The following TPST1 variants were observed in gnomAD, a reference collection of about 807,000 sequenced individuals.
The protein encoded by TPST1 is protein-tyrosine sulfotransferase 1.
A neutral mutation model predicts 34.8 loss-of-function variants in TPST1; 20 were observed. That is an observed-to-expected ratio of 0.57 (90% CI 0.40 to 0.84). TPST1 has a LOEUF of 0.84. TPST1 is among the 40% of genes least tolerant of loss of function. The probability of loss-of-function intolerance (pLI) is 0.00; values close to 1 mark genes in which losing one functional copy is unlikely to be tolerated. For synonymous variants in TPST1, 152 were observed against 159.4 expected (o/e 0.95, Z 0.35); for missense variants, 353 against 455.5 (o/e 0.78, Z 2.05).
At chr7:66,276,385 T>TATATATATATATATA (rs1431495136) in intron 2 of TPST1, among the ~76,000 whole-genome samples, 19 of 137,646 alleles carry the variant, frequency 1.4e-4, no homozygotes, top group African/African-American at 2.8e-4. Flanking sequence ...TATATATGTA[T>TATATATATATATATA]TTTTTTGAGG....
chr7:66,360,225 C>T lies in TPST1; in HGVS notation c.*360C>T. Reference sequence around the variant, plus strand: ...TTAAAAATGGGATCCTGTAAGCAGACTTGGGCAGTCTCCTTTTGAAATAGG... The same window carrying T: ...TTAAAAATGGGATCCTGTAAGCAGATTTGGGCAGTCTCCTTTTGAAATAGG... On this transcript the variant is annotated 3_prime_UTR_variant, in exon 6 of 6. Transcript: ENST00000304842. 3.5e-6 allele frequency: 1 copy of T among 283,850 alleles called. No homozygotes were observed. The highest frequency in any genetic ancestry group is 7.0e-6 in the Non-Finnish European group (1 of 141,980). 17.6% of individuals were successfully genotyped at this position (283,850 alleles called of 1,614,324 possible). A position where few individuals can be genotyped will look rare whatever the true frequency, so the allele number is the denominator to read the frequency against.
Position 66,337,876 on chromosome 7 carries a change from C to T in TPST1, c.1045-14629C>T, listed in dbSNP as rs148228580. ...AAATAAATAGCACAAAATCAAAGCA[C>T]GCTGCTAGAGAAAATCACTTACCAT... On this transcript the variant is annotated intron_variant, in intron 3 of 5. Transcript: ENST00000304842. 1.4e-4 allele frequency among the ~76,000 whole-genome samples: 21 copies of T among 152,044 alleles called. No individual in the cohort carries two copies. In the East Asian group the frequency reaches 2.5e-3, roughly 18 times the overall value.
intron 3 of TPST1, among the ~76,000 whole-genome samples, chr7:66,336,511 T>C (rs1792124923): frequency 6.6e-6 from 1 of 152,130 alleles, no homozygotes; most frequent in Admixed American, 6.5e-5. Context: ...CTTAATCAAA[T>C]AAAAGAATTG....
intron 3 of TPST1, among the ~76,000 whole-genome samples, chr7:66,299,771 A>T (rs1296512345): frequency 6.6e-6 from 1 of 152,040 alleles, no homozygotes; most frequent in East Asian, 1.9e-4. Context: ...CATTCTGTTG[A>T]TCTTTTCCTC....
chr7:66,233,354 G>C (rs1377868783), intron 1 of TPST1, among the ~76,000 whole-genome samples: 2 of 152,024 alleles, frequency 1.3e-5, no homozygotes, highest in African/African-American at 4.8e-5. Context: ...ATTTAGGTCT[G>C]ATTCATTTTG....
At chr7:66,261,669 T>C (rs12532423) in intron 2 of TPST1, among the ~76,000 whole-genome samples, 5,552 of 152,254 alleles carry the variant, frequency 0.036, 157 homozygotes, top group East Asian at 0.079. Flanking sequence ...TACATGTATT[T>C]TTCCATAAAA....
intron 4 of TPST1, 130 bp from the exon 5 acceptor site, chr7:66,356,695 C>T (rs1386283257): frequency 2.1e-5 from 21 of 985,664 alleles, no homozygotes; most frequent in Non-Finnish European, 3.3e-5. Flanking sequence ...GAGCATACCA[C>T]AGTAGTGCAC....
At chr7:66,324,800 C>CAAAAAA (rs56389964) in intron 3 of TPST1, among the ~76,000 whole-genome samples, 417 of 109,236 alleles carry the variant, frequency 3.8e-3, no homozygotes, top group Non-Finnish European at 5.4e-3. Context: ...GACTCTGTCT[C>CAAAAAA]AAAAAAAAAA....
intron 1 of TPST1, among the ~76,000 whole-genome samples, chr7:66,219,242 A>G (rs879588803): frequency 2.0e-5 from 3 of 152,056 alleles, no homozygotes; most frequent in Non-Finnish European, 2.9e-5. Flanking sequence ...AGCTTTTCAT[A>G]GAGAACATCA....
chr7:66,250,172 T>C (rs879762212), intron 2 of TPST1, among the ~76,000 whole-genome samples: 2 of 152,232 alleles, frequency 1.3e-5, no homozygotes, highest in African/African-American at 2.4e-5. Context: ...CTGAGCTCTC[T>C]GTGTGCCTTA....
chr7:66,201,410 G>C (rs533746320), upstream of TPST1, among the ~76,000 whole-genome samples: 28 of 150,406 alleles, frequency 1.9e-4, no homozygotes, highest in African/African-American at 5.9e-4. Context: ...AAAGTAAAAG[G>C]CTGGGCACGG....
chr7:66,312,869 T>C (rs1791558543), intron 3 of TPST1, among the ~76,000 whole-genome samples: 1 of 152,096 alleles, frequency 6.6e-6, no homozygotes, highest in African/African-American at 2.4e-5. Context: ...TGGTGACTAA[T>C]AGATGTCTGC....
intron 3 of TPST1, among the ~76,000 whole-genome samples, chr7:66,293,732 G>A (rs962785758): frequency 3.3e-5 from 5 of 152,090 alleles, no homozygotes; most frequent in African/African-American, 1.2e-4. Flanking sequence ...CTTTCTTTCT[G>A]TAAATCTAAT....
intron 3 of TPST1, among the ~76,000 whole-genome samples, chr7:66,327,284 C>T (rs552928246): frequency 9.9e-5 from 15 of 152,166 alleles, no homozygotes; most frequent in African/African-American, 3.6e-4. Context: ...GTGCTCTGGA[C>T]TATAATTGGA....
chr7:66,280,602 T>C (rs1238287524), intron 2 of TPST1, among the ~76,000 whole-genome samples: 2 of 152,192 alleles, frequency 1.3e-5, no homozygotes, highest in Non-Finnish European at 2.9e-5. Context: ...CCTGGATGCC[T>C]TTATTTTTCT....
intron 2 of TPST1, among the ~76,000 whole-genome samples, chr7:66,246,046 C>T (rs1790140440): frequency 2.0e-5 from 3 of 151,832 alleles, no homozygotes; most frequent in South Asian, 4.2e-4. Context: ...GGTCTTGCTC[C>T]ATCACCCAGG....
At chr7:66,350,090 T>A (rs181207658) in intron 3 of TPST1, among the ~76,000 whole-genome samples, 2 of 152,192 alleles carry the variant, frequency 1.3e-5, no homozygotes, top group East Asian at 3.9e-4. Flanking sequence ...ATCAGCTCAC[T>A]GCAGCCTCCG....
At chr7:66,231,832 G>A (rs1222162259) in intron 1 of TPST1, among the ~76,000 whole-genome samples, 3 of 152,258 alleles carry the variant, frequency 2.0e-5, no homozygotes, top group African/African-American at 7.2e-5. Flanking sequence ...CCACCAAAGT[G>A]GGAGCCCAGG....
chr7:66,306,346 G>T (rs572290235), intron 3 of TPST1, among the ~76,000 whole-genome samples: 1 of 152,284 alleles, frequency 6.6e-6, no homozygotes, highest in Non-Finnish European at 1.5e-5. Flanking sequence ...AAACTGGTTT[G>T]GGTTTGTCCT....
Sources: gnomAD v4.1 joint callset for allele counts (sites outside exome capture counted in the v4.1 genomes callset) on GRCh38, gnomAD v4.1.1 for gene constraint, MANE v1.5 for transcripts, NCBI Gene and HGNC (gene_info 2026-07-23, HGNC 2026-07-21) for gene names.